NHSL1: variants seen among roughly 807,000 people sequenced by gnomAD.
NHSL1 encodes NHS-like protein 1.
NHSL1 carries 48 observed loss-of-function variants against 95.0 expected under a neutral mutation model. The ratio of observed to expected loss-of-function variants is 0.51; its 90% CI spans 0.40 to 0.64. NHSL1 has a LOEUF of 0.64. NHSL1 is among the 30% of genes least tolerant of loss of function. NHSL1 has a pLI of 0.00. For missense variants in NHSL1, 1,971 were observed against 2,077.7 expected (o/e 0.95, Z 1.00); for synonymous variants, 783 against 833.9 (o/e 0.94, Z 1.05).
At chr6:138,458,478 G>A (rs1308559130) in intron 3 of NHSL1, among the ~76,000 whole-genome samples, 1 of 152,048 alleles carries the variant, frequency 6.6e-6, no homozygotes, top group East Asian at 1.9e-4. Context: ...GATCACTTGA[G>A]GTCCGGGGGT....
At chr6:138,574,435 G>A (rs1445547483), upstream of NHSL1, among the ~76,000 whole-genome samples, 2 of 151,748 alleles carry the variant, frequency 1.3e-5, no homozygotes, top group African/African-American at 2.4e-5. Context: ...CGAGACCCCC[G>A]CCACACATCT....
At chr6:138,687,699 T>C (rs1007164798) in intron 1 of NHSL1, among the ~76,000 whole-genome samples, 1 of 152,146 alleles carries the variant, frequency 6.6e-6, no homozygotes, top group African/African-American at 2.4e-5. Context: ...AGAAACAAAT[T>C]ATGAACTTCG....
At chr6:138,500,253 C>G (rs1447648981), upstream of NHSL1, among the ~76,000 whole-genome samples, 1 of 152,182 alleles carries the variant, frequency 6.6e-6, no homozygotes, top group Non-Finnish European at 1.5e-5. Flanking sequence ...CAAACATTAT[C>G]TGAGTTACTC....
intron 2 of NHSL1, among the ~76,000 whole-genome samples, chr6:138,494,544 T>C (rs1780239369): frequency 6.6e-6 from 1 of 152,136 alleles, no homozygotes; most frequent in African/African-American, 2.4e-5. Flanking sequence ...TAGAGTTAAG[T>C]GTTTAATAAA....
chr6:138,624,249 C>T (rs1784705757), intron 1 of NHSL1, among the ~76,000 whole-genome samples: 1 of 152,122 alleles, frequency 6.6e-6, no homozygotes, highest in Admixed American at 6.5e-5. Context: ...AATGCAGATC[C>T]TAATTCAGTA....
chr6:138,483,326 G>A (rs1029043846), intron 2 of NHSL1, among the ~76,000 whole-genome samples: 5 of 152,136 alleles, frequency 3.3e-5, no homozygotes, highest in Admixed American at 6.6e-5. Context: ...ATCCACACTC[G>A]CCAAGCGAAT....
chr6:138,625,776 A>G (rs1426886880), intron 1 of NHSL1, among the ~76,000 whole-genome samples: 1 of 151,980 alleles, frequency 6.6e-6, no homozygotes, highest in African/African-American at 2.4e-5. Context: ...CTAGCTGCTA[A>G]GACTATAGGC....
rs117203533 is a variant in NHSL1 at position 138,424,759 on chromosome 6, A to G, written c.4143T>C (p.His1381=). The change falls in exon 8 of 8, where the codon CAT becomes CAC. Residue 1381 remains histidine, a synonymous_variant. Transcript: ENST00000343505. The surrounding 1 kb of genome is among the most constrained non-coding windows in gnomAD (Gnocchi z 5.9). ...TGGGTGTCACGGGCGGGGAGGGAGA[A>G]TGGTTTCGGGAGTGGTCATCATCTG... ...RDSDDDHSRN[H]SPSPPVTPTG... 0.013 allele frequency: 19,908 copies of G among 1,551,180 alleles called. 245 individuals are homozygous for G. Among genetic ancestry groups the G allele is most frequent in the Admixed American group, 0.06 (3,077 of 50,960 alleles).
chr6:138,600,368 G>A (rs1484258935), intron 1 of NHSL1, among the ~76,000 whole-genome samples: 1 of 152,098 alleles, frequency 6.6e-6, no homozygotes, highest in Non-Finnish European at 1.5e-5. Context: ...TAAGTAGTTG[G>A]GACTATAGGC....
At chr6:138,566,635 A>G (rs1043788766) in intron 1 of NHSL1, among the ~76,000 whole-genome samples, 1 of 151,760 alleles carries the variant, frequency 6.6e-6, no homozygotes, top group Middle Eastern at 3.4e-3. Flanking sequence ...TCTCAAAACA[A>G]ATGCACAAAG....
chr6:138,541,015 A>G (rs1177705765), intron 1 of NHSL1, among the ~76,000 whole-genome samples: 3 of 152,230 alleles, frequency 2.0e-5, no homozygotes, highest in Non-Finnish European at 4.4e-5. Context: ...TGCTTATAAA[A>G]TATAGTGAAA....
At chr6:138,666,432 A>C (rs1162150695) in intron 1 of NHSL1, among the ~76,000 whole-genome samples, 3 of 152,138 alleles carry the variant, frequency 2.0e-5, no homozygotes, top group African/African-American at 7.2e-5. Context: ...TCTACTAAAA[A>C]TACAAAAAAA....
intron 1 of NHSL1, among the ~76,000 whole-genome samples, chr6:138,648,019 G>A (rs921660465): frequency 3.9e-5 from 6 of 152,088 alleles, no homozygotes; most frequent in African/African-American, 1.2e-4. Context: ...TTATAACAGC[G>A]CTGCGTGACA....
chr6:138,601,467 T>C (rs1784368790), intron 1 of NHSL1, among the ~76,000 whole-genome samples: 1 of 152,222 alleles, frequency 6.6e-6, no homozygotes, highest in Admixed American at 6.5e-5. Flanking sequence ...AGAGGAGTAC[T>C]ATTTTAAAAA....
intron 1 of NHSL1, among the ~76,000 whole-genome samples, chr6:138,629,941 C>T (rs2114655308): frequency 6.6e-6 from 1 of 152,262 alleles, no homozygotes; most frequent in African/African-American, 2.4e-5. Context: ...ATTACTTCCC[C>T]CAAAGTAGAC....
At chr6:138,515,811 G>A (rs1372741610) in intron 1 of NHSL1, among the ~76,000 whole-genome samples, 2 of 152,176 alleles carry the variant, frequency 1.3e-5, no homozygotes, top group African/African-American at 4.8e-5. Flanking sequence ...TGGATGGGTA[G>A]GTAAACGTTT....
intron 4 of NHSL1, among the ~76,000 whole-genome samples, chr6:138,446,492 C>T (rs1776872782): frequency 6.6e-6 from 1 of 152,058 alleles, no homozygotes; most frequent in South Asian, 2.1e-4. Context: ...TATTTGTAGT[C>T]TAGCTTAATA....
intron 1 of NHSL1, among the ~76,000 whole-genome samples, chr6:138,669,362 G>C (rs1296111744): frequency 6.6e-6 from 1 of 152,130 alleles, no homozygotes; most frequent in African/African-American, 2.4e-5. Context: ...CGGGTGACTT[G>C]ATGAAGACAA....
At chr6:138,489,627 T>C (rs1416856032) in intron 2 of NHSL1, among the ~76,000 whole-genome samples, 2 of 150,288 alleles carry the variant, frequency 1.3e-5, no homozygotes, top group Non-Finnish European at 3.0e-5. Context: ...CTGGGCACGG[T>C]GTTGTGTGCC....
Sources: allele counts gnomAD v4.1 joint callset (sites outside exome capture counted in the v4.1 genomes callset), GRCh38; gene constraint gnomAD v4.1.1; non-coding constraint Gnocchi (gnomAD v3.1); transcripts MANE v1.5; gene names NCBI Gene and HGNC (gene_info 2026-07-23, HGNC 2026-07-21).